Variants in ELAVL4 observed in about 807,000 individuals in gnomAD.
The protein encoded by ELAVL4 is ELAV-like protein 4.
In ELAVL4, 1 loss-of-function variant was observed where a neutral mutation model predicts 35.6. That is an observed-to-expected ratio of 0.03 (90% CI 0.01 to 0.13). The LOEUF (loss-of-function observed/expected upper bound fraction) is 0.13. Ranked by LOEUF, ELAVL4 falls within the 10% of genes least tolerant of loss-of-function variation. The pLI is 1.00. For missense variants in ELAVL4, 267 were observed against 464.9 expected (o/e 0.57, Z 3.91); for synonymous variants, 156 against 171.0 (o/e 0.91, Z 0.69).
chr1:50,124,033 T>G (rs1391278771), intron 1 of ELAVL4, among the ~76,000 whole-genome samples: 5 of 152,134 alleles, frequency 3.3e-5, no homozygotes, highest in Admixed American at 2.6e-4. Flanking sequence ...TGTTAACTGA[T>G]GTAGTCAGAT....
intron 2 of ELAVL4, chr1:50,174,427 A>G (rs1039904261): frequency 6.6e-6 from 1 of 151,492 alleles, no homozygotes; most frequent in Non-Finnish European, 1.5e-5. Flanking sequence ...TTTCATATCA[A>G]GGAGAATCAT....
At chr1:50,086,552 C>T (rs1665254402) in intron 1 of ELAVL4, among the ~76,000 whole-genome samples, 1 of 151,344 alleles carries the variant, frequency 6.6e-6, no homozygotes, top group South Asian at 2.1e-4. Flanking sequence ...CTTTAGCATA[C>T]TAATATAATA....
upstream of ELAVL4, chr1:50,103,800 C>G (rs1666110878): frequency 2.9e-6 from 3 of 1,018,234 alleles, no homozygotes; most frequent in Non-Finnish European, 2.9e-6. Context: ...CCTTCCCACC[C>G]CATTTTGCTA....
intron 2 of ELAVL4, among the ~76,000 whole-genome samples, chr1:50,154,464 G>A (rs1675362152): frequency 6.6e-6 from 1 of 152,240 alleles, no homozygotes; most frequent in African/African-American, 2.4e-5. Flanking sequence ...GAGATACAAG[G>A]CCTCATAAAC....
intron 1 of ELAVL4, among the ~76,000 whole-genome samples, chr1:50,122,350 A>AC (rs1274474795): frequency 2.6e-5 from 4 of 152,136 alleles, no homozygotes; most frequent in African/African-American, 9.6e-5. Context: ...TAGGACAGGC[A>AC]CATAGAGTAC....
chr1:50,157,089 G>GT (rs1675894024), intron 2 of ELAVL4, among the ~76,000 whole-genome samples: 1 of 152,140 alleles, frequency 6.6e-6, no homozygotes, highest in African/African-American at 2.4e-5. Flanking sequence ...TCCAACCATT[G>GT]TAAGTCGGGG....
intron 1 of ELAVL4, among the ~76,000 whole-genome samples, chr1:50,125,320 T>TA (rs1037608034): frequency 7.9e-5 from 12 of 151,988 alleles, no homozygotes; most frequent in African/African-American, 2.2e-4. Context: ...GTTTAAAAAA[T>TA]AAAAGATGCT....
At chr1:50,119,082 AAGAAAGAAAG>A (rs1184774140) in intron 1 of ELAVL4, among the ~76,000 whole-genome samples, 2 of 134,852 alleles carry the variant, frequency 1.5e-5, no homozygotes, top group East Asian at 2.3e-4. Context: ...GAAAGAAAGA[AAGAAAGAAAG>A]AAAAAGAAAA....
chr1:50,128,635 C>G (rs763206084), intron 1 of ELAVL4, among the ~76,000 whole-genome samples: 1 of 152,016 alleles, frequency 6.6e-6, no homozygotes, highest in South Asian at 2.1e-4. Context: ...AAGGTAAGAG[C>G]CATGATGGGG....
rs1489818093 is a variant in ELAVL4 at position 50,189,630 on chromosome 1, T to C, written c.355-4135T>C. On this transcript the variant is annotated intron_variant, in intron 3 of 6. Coordinates refer to ENST00000371824, the MANE Select transcript of ELAVL4 (RefSeq NM_001144774.3). Reference sequence around the variant, plus strand: ...TTTTTTTTGTTTGTTTTTTGGGGGTTTTTTTCCGGTGAAATTGGAGGGTAT... The same window carrying C: ...TTTTTTTTGTTTGTTTTTTGGGGGTCTTTTTCCGGTGAAATTGGAGGGTAT... Among the ~76,000 whole-genome samples, 5 of 152,044 alleles carry C rather than the reference T, an allele frequency of 3.3e-5. No individual in the cohort carries two copies. In the East Asian group the frequency reaches 7.7e-4, roughly 24 times the overall value.
chr1:50,173,013 C>A (rs1019043368), intron 2 of ELAVL4, among the ~76,000 whole-genome samples: 1 of 152,038 alleles, frequency 6.6e-6, no homozygotes, highest in Admixed American at 6.5e-5. Context: ...TCCCTGGGTA[C>A]CCCCTCTTTT....
intron 1 of ELAVL4, among the ~76,000 whole-genome samples, chr1:50,125,190 G>T (rs1669691111): frequency 6.6e-6 from 1 of 151,292 alleles, no homozygotes; most frequent in South Asian, 2.1e-4. Flanking sequence ...AGTAAGCTGT[G>T]ATCACACCAC....
rs114717374 is a variant in ELAVL4 at position 50,184,038 on chromosome 1, C to T, written c.354+6846C>T. ...GCCAAGAGAGAGCACGTGGCAATGC[C>T]AGCAGAAACCAGAGACACGTTTACC... On this transcript the variant is annotated intron_variant, in intron 3 of 6. Transcript: ENST00000371824. Among the ~76,000 whole-genome samples, 484 of 152,278 alleles carry T rather than the reference C, an allele frequency of 3.2e-3. 4 individuals are homozygous for T. Among genetic ancestry groups the T allele is most frequent in the African/African-American group, 0.011 (459 of 41,568 alleles).
chr1:50,076,790 G>A (rs1664785464), intron 1 of ELAVL4, among the ~76,000 whole-genome samples: 1 of 152,020 alleles, frequency 6.6e-6, no homozygotes. Flanking sequence ...ATTATTTAGG[G>A]GTATAATGCC....
intron 1 of ELAVL4, among the ~76,000 whole-genome samples, chr1:50,124,788 A>G (rs555924234): frequency 1.3e-5 from 2 of 152,188 alleles, no homozygotes; most frequent in East Asian, 3.9e-4. Flanking sequence ...CCTAGGGGAA[A>G]TCATTTCCAC....
chr1:50,092,439 G>A (rs754967854), intron 1 of ELAVL4, among the ~76,000 whole-genome samples: 15 of 152,304 alleles, frequency 9.8e-5, no homozygotes, highest in South Asian at 4.1e-4. Flanking sequence ...TGAACCCAAC[G>A]GGGGCACCCT....
chr1:50,107,550 C>A (rs572285072), upstream of ELAVL4, among the ~76,000 whole-genome samples: 55 of 152,196 alleles, frequency 3.6e-4, 1 homozygote, highest in Middle Eastern at 3.4e-3. Flanking sequence ...TTTTCACAAA[C>A]CCATTTATTC....
chr1:50,122,031 G>A (rs1288217601), intron 1 of ELAVL4, among the ~76,000 whole-genome samples: 1 of 151,994 alleles, frequency 6.6e-6, no homozygotes, highest in Non-Finnish European at 1.5e-5. Flanking sequence ...TTAATCCTTA[G>A]AACAAACTTA....
At position 50,169,117 on chromosome 1, in the gene ELAVL4, G is replaced by A. The variant is rs142069841; in HGVS notation, c.251-7972G>A. Among the ~76,000 whole-genome samples the A allele has an allele frequency of 3.9e-5, 6 of 152,122 alleles. No homozygotes were observed. In the East Asian group the frequency reaches 1.2e-3, roughly 29 times the overall value. On this transcript the variant is annotated intron_variant, in intron 2 of 6. Transcript: ENST00000371824. ...CAAAGAACTGAAGAACTTGGAGTCC[G>A]ATGTTCAAGGGCAGGAAGCATCCAG... is the stretch of plus-strand genomic sequence containing the variant.
Sources: allele counts gnomAD v4.1 joint callset (sites outside exome capture counted in the v4.1 genomes callset), GRCh38; gene constraint gnomAD v4.1.1; transcripts MANE v1.5; gene names NCBI Gene and HGNC (gene_info 2026-07-23, HGNC 2026-07-21).